Variants in BRDT observed in about 807,000 individuals in gnomAD.
BRDT encodes bromodomain testis associated.
In BRDT, 77 loss-of-function variants were observed where a neutral mutation model predicts 113.9. The observed-to-expected ratio is 0.68, with a 90% confidence interval of 0.56 to 0.82. BRDT has a LOEUF of 0.82. BRDT is among the 40% of genes least tolerant of loss of function. The probability of loss-of-function intolerance (pLI) is 0.00; values close to 1 mark genes in which losing one functional copy is unlikely to be tolerated. For missense variants in BRDT, 1,027 were observed against 1,105.4 expected, an observed-to-expected ratio of 0.93 and a Z score of 1.01; for synonymous variants, 358 against 366.5, an observed-to-expected ratio of 0.98 and a Z score of 0.26.
intron 13 of BRDT, among the ~76,000 whole-genome samples, chr1:91,991,933 A>C (rs894059239): frequency 7.2e-6 from 1 of 138,846 alleles, no homozygotes; most frequent in African/African-American, 2.6e-5. Flanking sequence ...CAGAGCTTCC[A>C]GTGAGCCGAG....
chr1:91,971,373 A>G (rs958727836), intron 4 of BRDT, among the ~76,000 whole-genome samples: 1 of 152,224 alleles, frequency 6.6e-6, no homozygotes, highest in Non-Finnish European at 1.5e-5. Context: ...TTTGACCTCA[A>G]AGAATAGGTA....
chr1:92,001,749 C>T (rs1377893363), intron 15 of BRDT, among the ~76,000 whole-genome samples: 1 of 150,716 alleles, frequency 6.6e-6, no homozygotes, highest in South Asian at 2.1e-4. Flanking sequence ...AACTGGAGAG[C>T]TGCTATAGCA....
intron 12 of BRDT, among the ~76,000 whole-genome samples, chr1:91,990,884 G>A (rs941374737): frequency 7.9e-5 from 12 of 152,072 alleles, no homozygotes; most frequent in Admixed American, 6.6e-4. Context: ...TGCAACCTCC[G>A]CTTCCCAGGT....
At position 91,958,944 on chromosome 1, in the gene BRDT, G is replaced by T. The variant is rs112906185; in HGVS notation, c.-37-3774G>T. 9.1e-3 allele frequency among the ~76,000 whole-genome samples: 1,380 copies of T among 152,104 alleles called. 18 individuals carry two copies. The highest frequency in any genetic ancestry group is 0.023 in the African/African-American group (947 of 41,504). On this transcript the variant is annotated intron_variant, in intron 1 of 18. Transcript: ENST00000399546. ...TGTACCTATAGTCCCAGATAATCAG[G>T]AGGCTGAGGTGGGAGAGTCGTTTGA...
chr1:91,978,987 G>C (rs1225064291), intron 7 of BRDT, among the ~76,000 whole-genome samples: 1 of 96,074 alleles, frequency 1.0e-5, no homozygotes, highest in Admixed American at 1.5e-4. Context: ...GACAGAGCGA[G>C]ACTACGTCTC....
At chr1:91,985,262 G>A (rs760848824) in intron 12 of BRDT, among the ~76,000 whole-genome samples, 34 of 151,674 alleles carry the variant, frequency 2.2e-4, no homozygotes, top group Non-Finnish European at 4.0e-4. Context: ...GGGTTTCACC[G>A]TGTTAGCCAG....
At chr1:91,961,476 C>G (rs542082526) in intron 1 of BRDT, among the ~76,000 whole-genome samples, 35 of 152,028 alleles carry the variant, frequency 2.3e-4, no homozygotes, top group Middle Eastern at 6.8e-3. Context: ...CAAAAAAATA[C>G]AAAAATTAGC....
At chr1:91,989,459 C>T (rs1173960584) in intron 12 of BRDT, among the ~76,000 whole-genome samples, 2 of 152,152 alleles carry the variant, frequency 1.3e-5, no homozygotes, top group African/African-American at 4.8e-5. Flanking sequence ...CTTTTGGGTT[C>T]AAGCTATTCT....
At chr1:91,954,187 G>A (rs1013934757) in intron 1 of BRDT, among the ~76,000 whole-genome samples, 3 of 151,498 alleles carry the variant, frequency 2.0e-5, no homozygotes, top group Admixed American at 2.0e-4. Context: ...GCTCAGGCTG[G>A]TCTTAAACTC....
In BRDT at chr1:91,964,281, G is replaced by A. The variant is rs573784793; in HGVS notation, c.193-346G>A. On this transcript the variant is annotated intron_variant, in intron 2 of 18. Transcript: ENST00000399546. ...TCCCCGTGTTGGTCAGGCTGGTCTC[G>A]AACTCGTGACCTCAGGTGATCCACC... Among the ~76,000 whole-genome samples, 90 of 152,254 alleles carry A rather than the reference G, an allele frequency of 5.9e-4. No individual in the cohort carries two copies. In the Middle Eastern group the frequency reaches 0.017, roughly 29 times the overall value.
intron 6 of BRDT, among the ~76,000 whole-genome samples, chr1:91,977,736 G>A (rs1684295043): frequency 2.0e-5 from 3 of 151,748 alleles, no homozygotes; most frequent in Admixed American, 6.6e-5. Context: ...GGGAATGGTG[G>A]TGCATGCCTA....
intron 3 of BRDT, among the ~76,000 whole-genome samples, chr1:91,967,547 C>T (rs1303174747): frequency 1.3e-5 from 2 of 152,144 alleles, no homozygotes; most frequent in Non-Finnish European, 2.9e-5. Flanking sequence ...TACAGGCACG[C>T]ACCACCACGC....
Position 91,955,183 on chromosome 1 carries a change from C to T in BRDT, c.-38+5501C>T, listed in dbSNP as rs375782576. ...CATTAACATGAAAATTGTCTGGGTG[C>T]GGTGGCTCAATCCTGTAATCCCAGC... On this transcript the variant is annotated intron_variant, in intron 1 of 18. Coordinates refer to ENST00000399546, the MANE Select transcript of BRDT (RefSeq NM_207189.4). Among the ~76,000 whole-genome samples, 47 of 151,672 alleles carry T rather than the reference C, an allele frequency of 3.1e-4. No individual in the cohort carries two copies. The East Asian group carries it at 5.5e-3, about 18-fold the overall frequency.
chr1:91,964,907 A>G (rs1348770639), intron 3 of BRDT, 143 bp downstream of exon 3: 19 of 403,066 alleles, frequency 4.7e-5, no homozygotes, highest in Non-Finnish European at 6.2e-5. Context: ...GTGTGTGTAT[A>G]TAATTTTTTT....
At chr1:91,959,088 T>C (rs1242639993) in intron 1 of BRDT, among the ~76,000 whole-genome samples, 1 of 152,112 alleles carries the variant, frequency 6.6e-6, no homozygotes, top group Non-Finnish European at 1.5e-5. Flanking sequence ...GCAGAAAGTA[T>C]ATTGTGTAAT....
intron 16 of BRDT, among the ~76,000 whole-genome samples, chr1:92,003,329 A>C (rs1687019268): frequency 6.6e-6 from 1 of 152,206 alleles, no homozygotes; most frequent in Non-Finnish European, 1.5e-5. Flanking sequence ...AATACATCAA[A>C]AGTGCAATCA....
At chr1:91,955,222 G>C (rs1681611059) in intron 1 of BRDT, among the ~76,000 whole-genome samples, 1 of 152,138 alleles carries the variant, frequency 6.6e-6, no homozygotes, top group Non-Finnish European at 1.5e-5. Context: ...TTGGGAGGCT[G>C]AGGCAGGTGG....
intron 18 of BRDT, among the ~76,000 whole-genome samples, chr1:92,007,344 G>A (rs960036194): frequency 1.3e-5 from 2 of 152,166 alleles, no homozygotes; most frequent in East Asian, 3.9e-4. Context: ...CAGGTATTAA[G>A]CCCAGTATCC....
At chr1:92,006,297 C>T (rs1335166890) in intron 18 of BRDT, among the ~76,000 whole-genome samples, 2 of 152,108 alleles carry the variant, frequency 1.3e-5, no homozygotes, top group Non-Finnish European at 2.9e-5. Context: ...CTGAAAATTA[C>T]ACTGAAATTT....
Sources: allele counts gnomAD v4.1 joint callset (sites outside exome capture counted in the v4.1 genomes callset), GRCh38; gene constraint gnomAD v4.1.1; transcripts MANE v1.5; gene names NCBI Gene and HGNC (gene_info 2026-07-23, HGNC 2026-07-21).